Variants in DGAT2L6 observed in about 807,000 individuals in gnomAD.
The protein encoded by DGAT2L6 is diacylglycerol O-acyltransferase 2-like protein 6.
DGAT2L6 carries 22 observed loss-of-function variants against 25.5 expected under a neutral mutation model. The ratio of observed to expected loss-of-function variants is 0.86; its 90% CI spans 0.62 to 1.23. DGAT2L6 has a LOEUF of 1.23. Ranked by LOEUF, DGAT2L6 falls within the 50% of genes most tolerant of loss-of-function variation. DGAT2L6 has a pLI of 0.00. For synonymous variants in DGAT2L6, 100 were observed against 94.7 expected, an observed-to-expected ratio of 1.06 and a Z score of -0.32; for missense variants, 287 against 253.2, an observed-to-expected ratio of 1.13 and a Z score of -0.91.
At chrX:70,177,700 G>T in intron 1 of DGAT2L6, 33 bp downstream of exon 1, 1 of 1,140,940 alleles carries the variant, frequency 8.8e-7, no homozygotes, top group South Asian at 1.8e-5. Flanking sequence ...AGAGCACATG[G>T]GGAACAAACC....
At chrX:70,195,803 G>A (rs151176259) in intron 1 of DGAT2L6, among the ~76,000 whole-genome samples, 5 of 111,359 alleles carry the variant, frequency 4.5e-5, no homozygotes, top group African/African-American at 1.6e-4. Flanking sequence ...CCAGGAGCTG[G>A]GGCAGAGGGA....
At chrX:70,201,069 C>G (rs2085408673) in intron 4 of DGAT2L6, among the ~76,000 whole-genome samples, 1 of 112,085 alleles carries the variant, frequency 8.9e-6, no homozygotes, top group Non-Finnish European at 1.9e-5. Context: ...AAATGTCTCT[C>G]TCTCTGGACA....
Position 70,201,892 on chromosome X carries a change from G to A in DGAT2L6, c.475G>A (p.Val159Met), listed in dbSNP as rs761419482. The A allele has an allele frequency of 7.6e-6, 9 of 1,183,559 alleles. No individual in the cohort carries two copies. The highest frequency in any genetic ancestry group is 3.4e-6 in the Non-Finnish European group (3 of 883,342). The stretch of plus-strand genomic sequence containing the variant: ...CACTTGACTCTTTGGTTTCACAGGT[G>A]TGTGCCCTGTGAGTAGCTCAGCCTT... ...IVREYVMSMG[V>M]CPVSSSALKY... is the part of the protein sequence containing the mutation. Residue 159 changes from valine (V) to methionine (M), a missense_variant and splice_region_variant, in exon 5 of 7, where the codon GTG (valine) becomes ATG (methionine). Coordinates refer to ENST00000333026, the MANE Select transcript of DGAT2L6 (RefSeq NM_198512.3).
chrX:70,190,651 C>CT (rs1332725586), intron 1 of DGAT2L6, among the ~76,000 whole-genome samples: 2 of 112,269 alleles, frequency 1.8e-5, no homozygotes, highest in Admixed American at 1.9e-4. Flanking sequence ...GCAGTATACC[C>CT]TGAAGCAGCC....
chrX:70,185,523 C>G (rs779827804), intron 1 of DGAT2L6, among the ~76,000 whole-genome samples: 2 of 112,006 alleles, frequency 1.8e-5, no homozygotes, highest in Non-Finnish European at 3.8e-5. Flanking sequence ...AATTATCCAC[C>G]TATGAGGACT....
chrX:70,185,151 A>G (rs3849261), intron 1 of DGAT2L6, among the ~76,000 whole-genome samples: 18,068 of 110,473 alleles, frequency 0.16, 1,279 homozygotes, highest in South Asian at 0.32. Context: ...CGGCTTCCTT[A>G]GGCTGCCTGT....
At chrX:70,179,764 C>T (rs1022798464) in intron 1 of DGAT2L6, among the ~76,000 whole-genome samples, 2 of 108,789 alleles carry the variant, frequency 1.8e-5, no homozygotes, top group African/African-American at 3.4e-5. Context: ...GACGGGGTAT[C>T]GCCATGTTAG....
Position 70,205,313 on chromosome X carries a change from G to C in DGAT2L6, c.*207G>C. On this transcript the variant is annotated 3_prime_UTR_variant, in exon 7 of 7. Coordinates refer to ENST00000333026, the MANE Select transcript of DGAT2L6 (RefSeq NM_198512.3). Reference sequence around the variant, plus strand: ...CAGGCTTAGGGGAAAGAACCAGAGGGGCAGGGGAGGACTGGGGAGGGCTGG... The same window carrying C: ...CAGGCTTAGGGGAAAGAACCAGAGGCGCAGGGGAGGACTGGGGAGGGCTGG... 2.5e-6 allele frequency: 1 copy of C among 406,108 alleles called. No homozygotes were observed. The highest frequency in any genetic ancestry group is 2.6e-5 in the African/African-American group (1 of 38,875). 33.5% of individuals were successfully genotyped at this position (406,108 alleles called of 1,213,427 possible).
intron 6 of DGAT2L6, 67 bp from the exon 7 acceptor site, chrX:70,204,885 C>T (rs1392623246): frequency 1.8e-6 from 2 of 1,088,084 alleles, no homozygotes; most frequent in Non-Finnish European, 1.2e-6. Flanking sequence ...ACATGGCTCC[C>T]AGTGAGGGAT....
chrX:70,182,469 CTTTT>C (rs1171530335), intron 1 of DGAT2L6, among the ~76,000 whole-genome samples: 1 of 49,143 alleles, frequency 2.0e-5, no homozygotes, highest in Non-Finnish European at 3.4e-5. Flanking sequence ...TCAAAAGCAT[CTTTT>C]TTTTTTTTTT....
chrX:70,185,877 T>C (rs894727284), intron 1 of DGAT2L6, among the ~76,000 whole-genome samples: 20 of 97,165 alleles, frequency 2.1e-4, no homozygotes, highest in African/African-American at 8.4e-4. Flanking sequence ...TTTGTTTTTT[T>C]GTTTTTTTTT....
chrX:70,200,366 A>G lies in DGAT2L6; in HGVS notation c.379A>G (p.Ile127Val). ...FINFATEATG[I>V]ARIFPSITPF... ...CAACTTTGCCACTGAGGCCACTGGC[A>G]TTGCTCGGATTTTCCCATCCATCAC... The change falls in exon 4 of 7, where the codon ATT (isoleucine) becomes GTT (valine). Residue 127 changes from isoleucine to valine, a missense_variant. Transcript: ENST00000333026. 6.6e-6 allele frequency: 8 copies of G among 1,211,825 alleles called. No homozygotes were observed. The highest frequency in any genetic ancestry group is 8.9e-6 in the Non-Finnish European group (8 of 895,483).
intron 1 of DGAT2L6, among the ~76,000 whole-genome samples, chrX:70,198,864 C>T (rs1281198923): frequency 8.9e-6 from 1 of 112,135 alleles, no homozygotes; most frequent in Middle Eastern, 4.2e-3. Flanking sequence ...TGCGGGTAAC[C>T]TCCCTGCTGG....
intron 6 of DGAT2L6, 26 bp downstream of exon 6, chrX:70,204,542 A>G: frequency 3.3e-6 from 4 of 1,197,927 alleles, no homozygotes; most frequent in Non-Finnish European, 3.4e-6. Context: ...TCTCCGGATG[A>G]CCTGTTTCTT....
At chrX:70,191,116 A>T (rs1478659390) in intron 1 of DGAT2L6, among the ~76,000 whole-genome samples, 1 of 112,264 alleles carries the variant, frequency 8.9e-6, no homozygotes, top group African/African-American at 3.2e-5. Flanking sequence ...ATAACAAATA[A>T]TCCAGCAAAC....
chrX:70,199,739 A>C (rs1013932970), intron 2 of DGAT2L6, 73 bp from the exon 3 acceptor site: 13 of 1,043,897 alleles, frequency 1.2e-5, no homozygotes, highest in Non-Finnish European at 1.7e-5. Context: ...TGCAGGCAGA[A>C]CTCTCCTCCT....
intron 1 of DGAT2L6, among the ~76,000 whole-genome samples, chrX:70,186,866 G>A (rs749912154): frequency 8.9e-6 from 1 of 112,321 alleles, no homozygotes; most frequent in South Asian, 3.7e-4. Flanking sequence ...TACGGCTACT[G>A]AGAGATGAGG....
Position 70,199,328 on chromosome X carries a change from T to A in DGAT2L6, c.143T>A (p.Leu48Ter). ...YFLLFSKFWPLAVLSLAWLTY... is the reference protein window; with the variant it reads ...YFLLFSKFWP ...CTGTTATTCAGTAAGTTCTGGCCCTTGGCTGTGCTCTCCTTAGCCTGGCTC... is the reference window on the plus strand; with the variant it reads ...CTGTTATTCAGTAAGTTCTGGCCCTAGGCTGTGCTCTCCTTAGCCTGGCTC... Residue 48 changes from leucine to a stop codon, truncating the protein, a stop_gained, in exon 2 of 7, where the codon TTG (leucine) becomes TAG (stop). Coordinates refer to ENST00000333026, the MANE Select transcript of DGAT2L6 (RefSeq NM_198512.3). LOFTEE classifies it high-confidence loss of function. 8.4e-7 allele frequency: 1 copy of A among 1,196,724 alleles called. No homozygotes were observed.
intron 1 of DGAT2L6, among the ~76,000 whole-genome samples, chrX:70,195,010 T>C (rs111693918): frequency 0.055 from 6,085 of 111,458 alleles, 148 homozygotes; most frequent in South Asian, 0.17. Flanking sequence ...GGTTAATCTC[T>C]AAAATATATA....
Sources: allele counts gnomAD v4.1 joint callset (sites outside exome capture counted in the v4.1 genomes callset), GRCh38; gene constraint gnomAD v4.1.1; transcripts MANE v1.5; gene names NCBI Gene and HGNC (gene_info 2026-07-23, HGNC 2026-07-21).